PPFIBP2: variants seen among roughly 807,000 people sequenced by gnomAD.
PPFIBP2 encodes the protein liprin-beta-2.
A neutral mutation model predicts 118.3 loss-of-function variants in PPFIBP2; 118 were observed. The observed-to-expected ratio is 1.00, with a 90% CI of 0.86 to 1.16. The LOEUF is 1.16. Ranked by LOEUF, PPFIBP2 falls within the 50% of genes most tolerant of loss-of-function variation. PPFIBP2 has a pLI of 0.00. For synonymous variants in PPFIBP2, 414 were observed against 397.4 expected, an observed-to-expected ratio of 1.04 and a Z score of -0.50; for missense variants, 1,195 against 1,073.1, an observed-to-expected ratio of 1.11 and a Z score of -1.59.
intron 3 of PPFIBP2, among the ~76,000 whole-genome samples, chr11:7,579,698 T>C (rs1475811544): frequency 6.6e-6 from 1 of 152,218 alleles, no homozygotes; most frequent in Non-Finnish European, 1.5e-5. Context: ...AGGCCCTTCT[T>C]GTCCCAAGAC....
At chr11:7,569,874 A>G (rs1388351702) in intron 3 of PPFIBP2, among the ~76,000 whole-genome samples, 1 of 152,146 alleles carries the variant, frequency 6.6e-6, no homozygotes, top group Non-Finnish European at 1.5e-5. Context: ...TACTATGGTG[A>G]AATGTAGGAT....
In PPFIBP2 at chr11:7,605,686, A is replaced by G. The variant is rs1240857857; in HGVS notation, c.487-4605A>G. 4 of 1,309,846 alleles carry G rather than the reference A, an allele frequency of 3.1e-6. No homozygotes were observed. In the East Asian group the frequency reaches 1.2e-4, roughly 40 times the overall value. The allele number at this position is 1,309,846 out of a possible 1,614,324, so 81.1% of individuals were successfully genotyped here. A position where few individuals can be genotyped will look rare whatever the true frequency, so the allele number is the denominator to read the frequency against. Reference sequence around the variant, plus strand: ...TGATAAGGAGAACAATGTTGCTTCAAGGAAGTTGATAAACCAGGAAAATAG... The same window carrying G: ...TGATAAGGAGAACAATGTTGCTTCAGGGAAGTTGATAAACCAGGAAAATAG... On this transcript the variant is annotated intron_variant, in intron 5 of 23. Coordinates refer to ENST00000299492, the MANE Select transcript of PPFIBP2 (RefSeq NM_003621.5).
downstream of PPFIBP2, among the ~76,000 whole-genome samples, chr11:7,657,674 A>G (rs537233210): frequency 3.7e-4 from 57 of 152,164 alleles, no homozygotes; most frequent in South Asian, 7.1e-3. Flanking sequence ...CCCTTCCCTC[A>G]CTAGGGAATG....
chr11:7,532,466 C>G (rs1850783407), intron 1 of PPFIBP2, among the ~76,000 whole-genome samples: 1 of 152,216 alleles, frequency 6.6e-6, no homozygotes, highest in South Asian at 2.1e-4. Context: ...ACTACTGATC[C>G]TGCCAACCTT....
At chr11:7,645,224 G>T (rs1033067570) in intron 17 of PPFIBP2, among the ~76,000 whole-genome samples, 7 of 151,944 alleles carry the variant, frequency 4.6e-5, no homozygotes, top group Admixed American at 1.3e-4. Flanking sequence ...TTGGGTTTAG[G>T]GGGGTATGTG....
At chr11:7,657,237 G>T, downstream of PPFIBP2, 1 of 167,508 alleles carries the variant, frequency 6.0e-6, no homozygotes, top group South Asian at 1.6e-4. Flanking sequence ...TTTGTGAAAT[G>T]GTCACCAGGA....
chr11:7,655,627 G>A, downstream of PPFIBP2: 1 of 695,128 alleles, frequency 1.4e-6, no homozygotes, highest in South Asian at 1.6e-5. Context: ...TGGGGTCACA[G>A]CCTGAGCCTG....
intron 5 of PPFIBP2, among the ~76,000 whole-genome samples, chr11:7,604,726 T>A (rs34135063): frequency 0.17 from 26,273 of 152,094 alleles, 3,552 homozygotes; most frequent in African/African-American, 0.38. Context: ...AGCCTGAGGA[T>A]TGGGAGCTGA....
At chr11:7,655,428 T>C, downstream of PPFIBP2, 2 of 1,289,778 alleles carry the variant, frequency 1.6e-6, no homozygotes, top group Non-Finnish European at 2.0e-6. Flanking sequence ...CTGCCCATTT[T>C]ACAGATGGCA....
At chr11:7,632,744 C>T (rs575360822) in intron 11 of PPFIBP2, 123 bp from the exon 12 acceptor site, 2 of 719,570 alleles carry the variant, frequency 2.8e-6, no homozygotes, top group Non-Finnish European at 4.9e-6. Flanking sequence ...ATGATGTATC[C>T]ACCATGGCTG....
chr11:7,536,335 C>T lies in PPFIBP2; in HGVS notation c.-36-13105C>T, dbSNP rs115958918. Among the ~76,000 whole-genome samples the T allele has an allele frequency of 2.9e-3, 447 of 152,076 alleles. 2 individuals carry two copies. The highest frequency in any genetic ancestry group is 7.6e-3 in the African/African-American group (316 of 41,486). On this transcript the variant is annotated intron_variant, in intron 1 of 23. Transcript: ENST00000299492. Reference sequence around the variant, plus strand: ...CCACCACTGGGGGTGTCAGAGAGCACGGGAGGTAGGCAGTGGGGCTCTGAG... The same window carrying T: ...CCACCACTGGGGGTGTCAGAGAGCATGGGAGGTAGGCAGTGGGGCTCTGAG...
intron 1 of PPFIBP2, among the ~76,000 whole-genome samples, chr11:7,540,906 TTAAC>T (rs1387517168): frequency 6.6e-6 from 1 of 152,090 alleles, no homozygotes; most frequent in Non-Finnish European, 1.5e-5. Flanking sequence ...AGACAGCCAA[TTAAC>T]TAACAATTAG....
intron 5 of PPFIBP2, among the ~76,000 whole-genome samples, chr11:7,603,828 T>G (rs1282633328): frequency 1.3e-5 from 2 of 152,052 alleles, no homozygotes; most frequent in African/African-American, 2.4e-5. Context: ...AGTTTCATGG[T>G]CCATCACAGT....
At chr11:7,591,470 C>A (rs1401991974) in intron 3 of PPFIBP2, among the ~76,000 whole-genome samples, 1 of 151,248 alleles carries the variant, frequency 6.6e-6, no homozygotes, top group African/African-American at 2.4e-5. Context: ...TATTCTCCTA[C>A]CTTTTCTTCT....
chr11:7,666,283 C>A, the PPFIBP2 span: 5 of 608,054 alleles, frequency 8.2e-6, no homozygotes. Context: ...CATCCCAAAT[C>A]CTTTCTCCCT....
chr11:7,586,740 T>A (rs937760484), intron 3 of PPFIBP2, among the ~76,000 whole-genome samples: 3 of 152,166 alleles, frequency 2.0e-5, no homozygotes, highest in African/African-American at 7.2e-5. Context: ...AGGAATTCTG[T>A]AAATGAATAT....
intron 3 of PPFIBP2, among the ~76,000 whole-genome samples, chr11:7,583,282 GCTC>G (rs1222746914): frequency 6.6e-6 from 1 of 152,202 alleles, no homozygotes; most frequent in Non-Finnish European, 1.5e-5. Flanking sequence ...CCGAGGAGCA[GCTC>G]CTTACTTTGG....
intron 11 of PPFIBP2, among the ~76,000 whole-genome samples, chr11:7,632,128 A>T (rs111795054): frequency 2.0e-5 from 3 of 152,208 alleles, no homozygotes; most frequent in African/African-American, 7.2e-5. Flanking sequence ...ATTATTTCAT[A>T]CCATCATTAG....
the PPFIBP2 span, among the ~76,000 whole-genome samples, chr11:7,663,476 G>A: frequency 1.3e-5 from 2 of 152,178 alleles, no homozygotes; most frequent in Admixed American, 6.5e-5. Context: ...CAGTGGTCAG[G>A]GACCCACTTG....
Sources: gnomAD v4.1 joint callset for allele counts (sites outside exome capture counted in the v4.1 genomes callset) on GRCh38, gnomAD v4.1.1 for gene constraint, MANE v1.5 for transcripts, NCBI Gene and HGNC (gene_info 2026-07-23, HGNC 2026-07-21) for gene names.